STK32B: variants seen among roughly 807,000 people sequenced by gnomAD.
STK32B encodes serine/threonine-protein kinase 32B.
Under a neutral mutation model 52.6 loss-of-function variants are expected in STK32B, and 43 were observed. The observed-to-expected ratio is 0.82, with a 90% CI of 0.64 to 1.05. The LOEUF (loss-of-function observed/expected upper bound fraction) is 1.05, where lower values mean the gene tolerates loss of function less well. Among genes scored for constraint, STK32B ranks in the 50% least tolerant of loss-of-function variants. The pLI, the probability that STK32B is intolerant of heterozygous loss-of-function variation, is 0.00. For missense variants in STK32B, 621 were observed against 534.6 expected (o/e 1.16, Z -1.59); for synonymous variants, 238 against 204.3 (o/e 1.17, Z -1.41).
intron 1 of STK32B, among the ~76,000 whole-genome samples, chr4:5,123,942 T>C (rs1018051402): frequency 2.0e-5 from 3 of 152,130 alleles, no homozygotes; most frequent in African/African-American, 7.2e-5. Flanking sequence ...ACTTAGTATG[T>C]GTGGGGCTCT....
chr4:5,054,253 G>A (rs1427827738), intron 1 of STK32B, among the ~76,000 whole-genome samples: 9 of 152,150 alleles, frequency 5.9e-5, no homozygotes, highest in African/African-American at 2.2e-4. Context: ...TGCTCCCAGA[G>A]CAAGTAAACC....
rs1289903165 is a variant in STK32B at position 5,064,550 on chromosome 4, CT to C, written c.52+12637del. The stretch of plus-strand genomic sequence containing the variant: ...TACATATATAATATATAAATATATA[CT>C]TATATACATATATAATATATAAATA... On this transcript the variant is annotated intron_variant, in intron 1 of 11. Transcript: ENST00000282908. Among the ~76,000 whole-genome samples, 313 of 43,974 alleles carry C rather than the reference CT, an allele frequency of 7.1e-3. 73 individuals carry two copies. Among genetic ancestry groups the C allele is most frequent in the Non-Finnish European group, 0.014 (290 of 21,146 alleles). 28.8% of individuals were successfully genotyped at this position (43,974 alleles called of 152,430 possible).
intron 3 of STK32B, among the ~76,000 whole-genome samples, chr4:5,299,022 C>T (rs1281470206): frequency 6.6e-6 from 1 of 151,970 alleles, no homozygotes; most frequent in South Asian, 2.1e-4. Context: ...GGCACAGTCC[C>T]TCATGGCTTC....
intron 4 of STK32B, among the ~76,000 whole-genome samples, chr4:5,341,256 G>T (rs770418858): frequency 6.6e-6 from 1 of 152,194 alleles, no homozygotes; most frequent in Non-Finnish European, 1.5e-5. Context: ...AGGTCACACA[G>T]CTAGTTAGCA....
chr4:5,460,190 G>A lies in STK32B; in HGVS notation c.871G>A (p.Val291Met), dbSNP rs1716925759. Reference protein sequence around the residue: ...PYLADMNWDAVFKKALMPGFV... With the variant: ...PYLADMNWDAMFKKALMPGFV... ...CTTGGCCGACATGAACTGGGACGCG[G>A]TGTTCAAGAAGGCACTGATGCCCGG... is the stretch of plus-strand genomic sequence containing the variant. The change falls in exon 9 of 12, where the codon GTG (valine) becomes ATG (methionine). Residue 291 changes from valine (V) to methionine (M), a missense_variant. Coordinates refer to ENST00000282908, the MANE Select transcript of STK32B (RefSeq NM_018401.3). This position sits in a 1 kb window ranked among gnomAD's most constrained non-coding sequence, Gnocchi z 4.8. The A allele has an allele frequency of 1.2e-6, 2 of 1,613,892 alleles. No individual in the cohort carries two copies. Among genetic ancestry groups the A allele is most frequent in the Admixed American group, 1.7e-5 (1 of 59,986 alleles).
chr4:5,060,895 C>T (rs536999864), intron 1 of STK32B, among the ~76,000 whole-genome samples: 1 of 152,204 alleles, frequency 6.6e-6, no homozygotes, highest in African/African-American at 2.4e-5. Flanking sequence ...ATTTTTGCTC[C>T]TTTTAAGCTT....
intron 3 of STK32B, among the ~76,000 whole-genome samples, chr4:5,252,892 G>C (rs936557968): frequency 6.6e-6 from 1 of 152,044 alleles, no homozygotes; most frequent in South Asian, 2.1e-4. Flanking sequence ...GAGTATGTGC[G>C]AGATTCTCTC....
chr4:5,022,043 C>T, the STK32B span, among the ~76,000 whole-genome samples: 2 of 152,078 alleles, frequency 1.3e-5, no homozygotes, highest in Non-Finnish European at 2.9e-5. Flanking sequence ...GAGAAACAGC[C>T]TGTGCCGAGC....
At chr4:5,035,517 T>C in the STK32B span, among the ~76,000 whole-genome samples, 1 of 152,170 alleles carries the variant, frequency 6.6e-6, no homozygotes, top group Admixed American at 6.5e-5. Flanking sequence ...CACCCACACA[T>C]GTGCCTGCAC....
chr4:5,180,256 T>C (rs73212016), intron 3 of STK32B, among the ~76,000 whole-genome samples: 28,597 of 152,236 alleles, frequency 0.19, 3,383 homozygotes, highest in East Asian at 0.31. Context: ...TCAGACAGAC[T>C]CACCATGTCC....
intron 5 of STK32B, among the ~76,000 whole-genome samples, chr4:5,409,260 G>A (rs1012324737): frequency 1.3e-5 from 2 of 152,082 alleles, no homozygotes; most frequent in Admixed American, 1.3e-4. Flanking sequence ...GATACAGGAG[G>A]TAGCAAAGAA....
At chr4:5,135,150 G>A (rs1008537023) in intron 1 of STK32B, among the ~76,000 whole-genome samples, 1 of 152,224 alleles carries the variant, frequency 6.6e-6, no homozygotes, top group Non-Finnish European at 1.5e-5. Flanking sequence ...TATCACAAGG[G>A]TGAAATATGA....
intron 3 of STK32B, among the ~76,000 whole-genome samples, chr4:5,272,966 G>A (rs1158918632): frequency 6.8e-6 from 1 of 146,248 alleles, no homozygotes; most frequent in Admixed American, 6.9e-5. Context: ...AAAAGCAATG[G>A]CAACAAAAGA....
At chr4:5,208,370 A>G (rs1303605521) in intron 3 of STK32B, among the ~76,000 whole-genome samples, 2 of 152,220 alleles carry the variant, frequency 1.3e-5, no homozygotes, top group Non-Finnish European at 2.9e-5. Context: ...GTGCTATGGA[A>G]GTAAATAAGA....
chr4:5,252,395 T>C (rs899472594), intron 3 of STK32B, among the ~76,000 whole-genome samples: 2 of 152,216 alleles, frequency 1.3e-5, no homozygotes, highest in African/African-American at 4.8e-5. Context: ...CATGGCACAA[T>C]GTCCCATTAG....
chr4:5,333,850 C>A (rs1732443763), intron 4 of STK32B, among the ~76,000 whole-genome samples: 1 of 152,146 alleles, frequency 6.6e-6, no homozygotes, highest in South Asian at 2.1e-4. Flanking sequence ...TCTTTTGGTA[C>A]CAGTACCGTG....
In STK32B at chr4:5,198,206, A is replaced by C. The variant is rs151012527; in HGVS notation, c.260+29756A>C. 6.8e-3 allele frequency among the ~76,000 whole-genome samples: 1,039 copies of C among 152,302 alleles called. 9 individuals are homozygous for C. The highest frequency in any genetic ancestry group is 0.014 in the Middle Eastern group (4 of 294). ...TGAGCAAACTTTGTCTGCATCCCTGATTATCTGCATAGAATATAAATGTCT... is the reference window on the plus strand; with the variant it reads ...TGAGCAAACTTTGTCTGCATCCCTGCTTATCTGCATAGAATATAAATGTCT... On this transcript the variant is annotated intron_variant, in intron 3 of 11. Coordinates refer to ENST00000282908, the MANE Select transcript of STK32B (RefSeq NM_018401.3).
intron 3 of STK32B, among the ~76,000 whole-genome samples, chr4:5,309,775 CT>C (rs1730168738): frequency 6.6e-6 from 1 of 152,188 alleles, no homozygotes; most frequent in South Asian, 2.1e-4. Flanking sequence ...ATCTGTGAAA[CT>C]TCTGGAAGAA....
intron 9 of STK32B, among the ~76,000 whole-genome samples, chr4:5,462,901 A>G (rs1454468602): frequency 6.6e-6 from 1 of 152,204 alleles, no homozygotes; most frequent in African/African-American, 2.4e-5. Context: ...ATAAGCCAAT[A>G]AACCTACAAA....
Sources: allele counts gnomAD v4.1 joint callset (sites outside exome capture counted in the v4.1 genomes callset), GRCh38; gene constraint gnomAD v4.1.1; non-coding constraint Gnocchi (gnomAD v3.1); transcripts MANE v1.5; gene names NCBI Gene and HGNC (gene_info 2026-07-23, HGNC 2026-07-21).